ASZ1: variants seen among roughly 807,000 people sequenced by gnomAD.
ASZ1 encodes the protein ankyrin repeat, SAM and basic leucine zipper domain containing 1.
ASZ1 carries 67 observed loss-of-function variants against 61.8 expected under a neutral mutation model. The ratio of observed to expected loss-of-function variants is 1.08; its 90% CI spans 0.89 to 1.33. The LOEUF is 1.33. ASZ1 is among the 40% of genes most tolerant of loss of function. The pLI, the probability that ASZ1 is intolerant of heterozygous loss-of-function variation, is 0.00. For synonymous variants in ASZ1, 193 were observed against 192.7 expected (o/e 1.00, Z -0.01); for missense variants, 577 against 554.5 (o/e 1.04, Z -0.41).
chr7:117,402,765 C>G (rs1796704065), intron 4 of ASZ1, among the ~76,000 whole-genome samples: 1 of 151,966 alleles, frequency 6.6e-6, no homozygotes, highest in South Asian at 2.1e-4. Flanking sequence ...TAGTCCTACG[C>G]CTTATCTATA....
chr7:117,416,469 G>A (rs1796994077), intron 4 of ASZ1, among the ~76,000 whole-genome samples: 2 of 152,078 alleles, frequency 1.3e-5, no homozygotes, highest in South Asian at 4.1e-4. Flanking sequence ...AAAGAAAATA[G>A]CAAACTACTA....
chr7:117,409,446 A>G (rs1392836333), intron 4 of ASZ1, among the ~76,000 whole-genome samples: 1 of 151,928 alleles, frequency 6.6e-6, no homozygotes, highest in African/African-American at 2.4e-5. Flanking sequence ...ATAAGGTGTC[A>G]GAAAAGTCCC....
intron 7 of ASZ1, among the ~76,000 whole-genome samples, chr7:117,382,522 G>GA (rs148594077): frequency 0.024 from 3,693 of 151,270 alleles, 136 homozygotes; most frequent in African/African-American, 0.085. Flanking sequence ...AACAAAAAAT[G>GA]AAAAAAAACC....
chr7:117,375,982 A>T (rs1228880727), intron 10 of ASZ1, among the ~76,000 whole-genome samples: 1 of 152,092 alleles, frequency 6.6e-6, no homozygotes, highest in Non-Finnish European at 1.5e-5. Flanking sequence ...GAAATCAATG[A>T]CACTAAAAGC....
At chr7:117,402,889 C>T (rs994449640) in intron 4 of ASZ1, among the ~76,000 whole-genome samples, 7 of 152,074 alleles carry the variant, frequency 4.6e-5, no homozygotes, top group African/African-American at 1.4e-4. Flanking sequence ...CCAAGCGAGA[C>T]GGCAAGGTGG....
chr7:117,375,402 T>TA (rs1414471850), intron 10 of ASZ1, among the ~76,000 whole-genome samples: 1 of 152,106 alleles, frequency 6.6e-6, no homozygotes, highest in East Asian at 1.9e-4. Flanking sequence ...TAACCTAAAC[T>TA]AAATAATAAA....
At chr7:117,416,837 A>G (rs1797002837) in intron 4 of ASZ1, among the ~76,000 whole-genome samples, 2 of 152,222 alleles carry the variant, frequency 1.3e-5, no homozygotes, top group Admixed American at 6.5e-5. Context: ...ATTTCTAATT[A>G]GTTAAGTAGA....
intron 4 of ASZ1, among the ~76,000 whole-genome samples, chr7:117,403,704 G>A (rs1796723050): frequency 1.3e-5 from 2 of 152,216 alleles, no homozygotes; most frequent in South Asian, 4.2e-4. Flanking sequence ...GGAACCGATA[G>A]GTGTTACCAT....
chr7:117,374,731 CTGAGGAAAT>C (rs1256730401), intron 10 of ASZ1, among the ~76,000 whole-genome samples: 1 of 151,902 alleles, frequency 6.6e-6, no homozygotes, highest in Non-Finnish European at 1.5e-5. Flanking sequence ...TTAGAGGAAA[CTGAGGAAAT>C]AGAAAAATAT....
intron 10 of ASZ1, among the ~76,000 whole-genome samples, chr7:117,377,783 G>A (rs1375775406): frequency 2.0e-5 from 3 of 152,082 alleles, no homozygotes; most frequent in Non-Finnish European, 4.4e-5. Context: ...CACTCTTCCT[G>A]ATATTAAGGT....
chr7:117,385,197 A>AT (rs1278460744), intron 5 of ASZ1, among the ~76,000 whole-genome samples: 5,786 of 149,248 alleles, frequency 0.039, 164 homozygotes, highest in African/African-American at 0.084. Context: ...GTGTGTTACA[A>AT]TTTTTTTTTT....
rs901942419 is a variant in ASZ1, at chr7:117,367,809, A to G, written c.1162-344T>C. The G allele has an allele frequency of 3.0e-6, 3 of 990,128 alleles. No homozygotes were observed. In the African/African-American group the frequency reaches 5.2e-5, roughly 17 times the overall value. 61.3% of individuals were successfully genotyped at this position (990,128 alleles called of 1,614,324 possible). On this transcript the variant is annotated intron_variant, in intron 11 of 12. Coordinates refer to ENST00000284629, the MANE Select transcript of ASZ1 (RefSeq NM_130768.3). Reference sequence around the variant, plus strand: ...AAAATCACTGGAAAACAAGTGCATTAAAAAATTTTCACTAAGACAAACAGC... The same window carrying G: ...AAAATCACTGGAAAACAAGTGCATTGAAAAATTTTCACTAAGACAAACAGC...
rs531943189 is a variant in ASZ1, at chr7:117,408,986, G to GT, written c.440+11176dup. Among the ~76,000 whole-genome samples, 6 of 152,162 alleles carry GT rather than the reference G, an allele frequency of 3.9e-5. No homozygotes were observed. The South Asian group carries it at 1.2e-3, about 32-fold the overall frequency. On this transcript the variant is annotated intron_variant, in intron 4 of 12. Transcript: ENST00000284629. Reference sequence around the variant, plus strand: ...ATTTCATTTTGTAAATTAGATCTCAGTAAGTGGAATAAAAAGTATGTCAAG... The same window carrying GT: ...ATTTCATTTTGTAAATTAGATCTCAGTTAAGTGGAATAAAAAGTATGTCAAG...
At chr7:117,427,072 G>A in intron 1 of ASZ1, 137 bp from the exon 2 acceptor site, 1 of 1,035,980 alleles carries the variant, frequency 9.7e-7, no homozygotes, top group Non-Finnish European at 1.4e-6. Context: ...AGTTTGAAAA[G>A]AATTCGTGTC....
chr7:117,420,222 C>A lies in ASZ1; in HGVS notation c.381G>T (p.Gln127His), dbSNP rs1439375994. Residue 127 changes from glutamine to histidine, a missense_variant, in exon 4 of 13, where the codon CAG becomes CAT. Transcript: ENST00000284629. ...GTAGTAGTTCTACACACTTCAAGAT[C>A]TGTTCCTCTGAGCCATGAGCAGAAC... ...TACSAHGSEE[Q>H]ILKCVELLLS... 1.2e-6 allele frequency: 2 copies of A among 1,612,818 alleles called. No homozygotes were observed.
At chr7:117,382,537 C>T (rs1274459571) in intron 7 of ASZ1, among the ~76,000 whole-genome samples, 1 of 151,940 alleles carries the variant, frequency 6.6e-6, no homozygotes, top group East Asian at 1.9e-4. Flanking sequence ...AAAACCACAC[C>T]TCTTTAATTG....
In ASZ1 at chr7:117,422,379, CT is replaced by C. The variant is rs570940117; in HGVS notation, c.206-21del. ...TAATGCCTGTCAATATAAAAACAAG[CT>C]TTTAAAAGCACACTACCACCAAAGA... On this transcript the variant is annotated intron_variant, in intron 2 of 12. Coordinates refer to ENST00000284629, the MANE Select transcript of ASZ1 (RefSeq NM_130768.3). 3,097 of 1,607,264 alleles carry C rather than the reference CT, an allele frequency of 1.9e-3. 5 individuals carry two copies. The highest frequency in any genetic ancestry group is 2.3e-3 in the Non-Finnish European group (2,747 of 1,177,784).
intron 4 of ASZ1, among the ~76,000 whole-genome samples, chr7:117,413,490 C>T (rs918681427): frequency 6.6e-6 from 1 of 151,890 alleles, no homozygotes; most frequent in African/African-American, 2.4e-5. Flanking sequence ...CCAAAATAAA[C>T]CAGTATTAAA....
chr7:117,422,474 C>T (rs887916917), intron 2 of ASZ1, 115 bp from the exon 3 acceptor site: 8 of 1,218,732 alleles, frequency 6.6e-6, no homozygotes, highest in South Asian at 2.0e-5. Context: ...TTTATTCCAC[C>T]ATGGGAAGTT....
Sources: gnomAD v4.1 joint callset for allele counts (sites outside exome capture counted in the v4.1 genomes callset) on GRCh38, gnomAD v4.1.1 for gene constraint, MANE v1.5 for transcripts, NCBI Gene and HGNC (gene_info 2026-07-23, HGNC 2026-07-21) for gene names.